The following STPG2 variants were observed in gnomAD, a reference collection of about 807,000 sequenced individuals.
The protein encoded by STPG2 is sperm-tail PG-rich repeat-containing protein 2.
A neutral mutation model predicts 54.2 loss-of-function variants in STPG2; 56 were observed. The observed-to-expected ratio is 1.03, with a 90% CI of 0.83 to 1.29. The LOEUF (loss-of-function observed/expected upper bound fraction) is 1.29, where lower values mean the gene tolerates loss of function less well. STPG2 is among the 50% of genes most tolerant of loss of function. The pLI is 0.00. For missense variants in STPG2, 596 were observed against 544.9 expected (o/e 1.09, Z -0.93); for synonymous variants, 200 against 181.8 (o/e 1.10, Z -0.81).
At chr4:97,785,888 C>T (rs1034737506) in intron 9 of STPG2, among the ~76,000 whole-genome samples, 1 of 151,672 alleles carries the variant, frequency 6.6e-6, no homozygotes, top group South Asian at 2.1e-4. Context: ...GTATGAGAAT[C>T]AGCAGGGAGA....
At chr4:97,807,333 G>A (rs1033487952) in intron 9 of STPG2, among the ~76,000 whole-genome samples, 4 of 151,644 alleles carry the variant, frequency 2.6e-5, no homozygotes, top group Non-Finnish European at 4.4e-5. Context: ...TTAAGCTCCT[G>A]AAGAAGAAAG....
At chr4:97,907,473 C>T (rs1442928562) in intron 8 of STPG2, among the ~76,000 whole-genome samples, 1 of 152,120 alleles carries the variant, frequency 6.6e-6, no homozygotes, top group Non-Finnish European at 1.5e-5. Flanking sequence ...ATGCCATCCC[C>T]ATCAAGCTAC....
chr4:97,949,540 G>A (rs538563632), intron 7 of STPG2, among the ~76,000 whole-genome samples: 1 of 152,182 alleles, frequency 6.6e-6, no homozygotes, highest in African/African-American at 2.4e-5. Context: ...CTATTCTGGT[G>A]CATAATGGGC....
chr4:97,907,280 G>T (rs1045297886), intron 8 of STPG2, among the ~76,000 whole-genome samples: 1 of 151,526 alleles, frequency 6.6e-6, no homozygotes, highest in Non-Finnish European at 1.5e-5. Context: ...GCTTCCAAGA[G>T]AATAAAATAC....
chr4:97,974,668 G>A (rs1020273273), intron 6 of STPG2, among the ~76,000 whole-genome samples: 1 of 151,850 alleles, frequency 6.6e-6, no homozygotes, highest in Non-Finnish European at 1.5e-5. Context: ...GAGTTTCCCT[G>A]CACAAGCTCC....
At chr4:98,024,009 C>T (rs140442032) in intron 5 of STPG2, among the ~76,000 whole-genome samples, 305 of 152,240 alleles carry the variant, frequency 2.0e-3, no homozygotes, top group African/African-American at 7.1e-3. Context: ...CACCCTGCTT[C>T]GGCCTGCGCA....
rs189388757 is a variant in STPG2, at chr4:97,971,553, C to T, written c.933+727G>A. On this transcript the variant is annotated intron_variant, in intron 7 of 10. Coordinates refer to ENST00000295268, the MANE Select transcript of STPG2 (RefSeq NM_174952.3). ...CTCAGCAAACTAACACAAGGAAAGACGACCACACACCGCAGGTTCTCACTC... is the reference window on the plus strand; with the variant it reads ...CTCAGCAAACTAACACAAGGAAAGATGACCACACACCGCAGGTTCTCACTC... Among the ~76,000 whole-genome samples the T allele has an allele frequency of 1.2e-4, 18 of 152,072 alleles. No homozygotes were observed. The South Asian group carries it at 1.2e-3, about 11-fold the overall frequency.
At chr4:97,931,943 G>GA (rs1732563657) in intron 8 of STPG2, among the ~76,000 whole-genome samples, 1 of 152,020 alleles carries the variant, frequency 6.6e-6, no homozygotes, top group Non-Finnish European at 1.5e-5. Flanking sequence ...TCTGTGCAGG[G>GA]AATCAATTTC....
chr4:97,508,828 A>ATACTAGAGGGCC (rs1208828770), intron 4 of STPG2, among the ~76,000 whole-genome samples: 2 of 152,138 alleles, frequency 1.3e-5, no homozygotes, highest in African/African-American at 4.8e-5. Context: ...AATATACTTT[A>ATACTAGAGGGCC]ATAGTGCTTT....
intron 4 of STPG2, among the ~76,000 whole-genome samples, chr4:97,483,962 C>T (rs1730289397): frequency 6.6e-6 from 1 of 151,812 alleles, no homozygotes. Flanking sequence ...AAATAACCTG[C>T]TCCTGAATGA....
At chr4:97,907,591 G>T (rs1731489377) in intron 8 of STPG2, among the ~76,000 whole-genome samples, 1 of 152,020 alleles carries the variant, frequency 6.6e-6, no homozygotes, top group South Asian at 2.1e-4. Context: ...CAAAGCTGGA[G>T]GCATCATGCT....
At chr4:97,660,975 G>A (rs1722358917) in intron 10 of STPG2, among the ~76,000 whole-genome samples, 1 of 151,994 alleles carries the variant, frequency 6.6e-6, no homozygotes, top group South Asian at 2.1e-4. Context: ...AGCACACTTG[G>A]CTAAGTCACG....
chr4:97,757,985 C>A (rs554280787), intron 9 of STPG2, among the ~76,000 whole-genome samples: 1 of 152,252 alleles, frequency 6.6e-6, no homozygotes, highest in African/African-American at 2.4e-5. Flanking sequence ...TTGTAGAATA[C>A]TAAACAATTT....
intron 10 of STPG2, among the ~76,000 whole-genome samples, chr4:97,687,496 T>C (rs1472232359): frequency 1.3e-5 from 2 of 151,896 alleles, no homozygotes; most frequent in African/African-American, 4.8e-5. Context: ...CATGCCACCA[T>C]GCCCAGCTAA....
At chr4:97,752,221 C>T (rs1318158919) in intron 9 of STPG2, among the ~76,000 whole-genome samples, 1 of 151,530 alleles carries the variant, frequency 6.6e-6, no homozygotes, top group Admixed American at 6.6e-5. Context: ...TGTACAGTTT[C>T]CTTCAATTAA....
intron 8 of STPG2, among the ~76,000 whole-genome samples, chr4:97,925,056 T>C (rs1732282683): frequency 6.6e-6 from 1 of 152,194 alleles, no homozygotes; most frequent in African/African-American, 2.4e-5. Flanking sequence ...CATGAGAAAA[T>C]GTTATCAACC....
intron 10 of STPG2, among the ~76,000 whole-genome samples, chr4:97,604,851 A>T (rs574363709): frequency 6.6e-6 from 1 of 151,916 alleles, no homozygotes; most frequent in Admixed American, 6.6e-5. Context: ...TCCCTTCTCC[A>T]TTTCAAAGGC....
chr4:97,515,639 A>T (rs1731058988), intron 4 of STPG2, among the ~76,000 whole-genome samples: 1 of 152,112 alleles, frequency 6.6e-6, no homozygotes, highest in South Asian at 2.1e-4. Context: ...AGTAATCTTA[A>T]GGTGTGAAAA....
At chr4:97,668,048 T>G (rs1259305104) in intron 10 of STPG2, among the ~76,000 whole-genome samples, 1 of 152,162 alleles carries the variant, frequency 6.6e-6, no homozygotes, top group Non-Finnish European at 1.5e-5. Flanking sequence ...CTCAAAAATA[T>G]TGCCTCAAAA....
Sources: gnomAD v4.1 joint callset for allele counts (sites outside exome capture counted in the v4.1 genomes callset) on GRCh38, gnomAD v4.1.1 for gene constraint, MANE v1.5 for transcripts, NCBI Gene and HGNC (gene_info 2026-07-23, HGNC 2026-07-21) for gene names.